The following FCRLB variants were observed in gnomAD, a reference collection of about 807,000 sequenced individuals.
The protein encoded by FCRLB is Fc receptor like B.
FCRLB carries 34 observed loss-of-function variants against 33.6 expected under a neutral mutation model. The observed-to-expected ratio is 1.01, with a 90% CI of 0.77 to 1.35. The LOEUF is 1.35. FCRLB is among the 40% of genes most tolerant of loss of function. FCRLB has a pLI of 0.00. For synonymous variants in FCRLB, 280 were observed against 255.9 expected (o/e 1.09, Z -0.90); for missense variants, 560 against 580.2 (o/e 0.97, Z 0.36).
chr1:161,722,534 C>A, intron 2 of FCRLB, 119 bp from the exon 3 acceptor site: 1 of 944,138 alleles, frequency 1.1e-6, no homozygotes, highest in Non-Finnish European at 1.7e-6. Flanking sequence ...CTGCTATCTT[C>A]AGGAACTAGG....
exon 8 of FCRLB, chr1:161,727,339 C>T: frequency 6.2e-7 from 1 of 1,613,798 alleles, no homozygotes; most frequent in Non-Finnish European, 8.5e-7. Flanking sequence ...CAGAAAGCCC[C>T]CGGTGTCCAG....
chr1:161,722,719 G>A lies in FCRLB; in HGVS notation c.31+16G>A. ...CTGCTCCTGGGTGAGTCCACAGTGAGGCAGCAGAAGAGCTTTGGGTGGTGG... is the reference window on the plus strand; with the variant it reads ...CTGCTCCTGGGTGAGTCCACAGTGAAGCAGCAGAAGAGCTTTGGGTGGTGG... On this transcript the variant is annotated intron_variant, in intron 3 of 7. Coordinates refer to ENST00000367948, the Ensembl canonical transcript of FCRLB. 2 of 1,613,862 alleles carry A rather than the reference G, an allele frequency of 1.2e-6. No homozygotes were observed. Among genetic ancestry groups the A allele is most frequent in the Non-Finnish European group, 1.7e-6 (2 of 1,179,828 alleles).
intron 4 of FCRLB, 52 bp downstream of exon 4, chr1:161,723,061 C>T (rs754620639): frequency 1.2e-6 from 2 of 1,605,482 alleles, no homozygotes; most frequent in South Asian, 2.2e-5. Flanking sequence ...CACTCCAACC[C>T]CCTAAGTGAC....
At chr1:161,727,162 C>G in intron 7 of FCRLB, 85 bp from the exon 8 acceptor site, 1 of 1,419,656 alleles carries the variant, frequency 7.0e-7, no homozygotes, top group Non-Finnish European at 9.3e-7. Flanking sequence ...TCCCCATCCC[C>G]GCCCACCGCC....
At chr1:161,727,784 C>G in exon 8 of FCRLB, 2 of 1,276,354 alleles carry the variant, frequency 1.6e-6, no homozygotes, top group Non-Finnish European at 2.1e-6. Context: ...TTTAAAGGAG[C>G]GCCCACGAAG....
rs866657996 is a variant in FCRLB at position 161,726,531 on chromosome 1, C to T, written c.575-172C>T. The T allele has an allele frequency of 1.1e-6, 1 of 946,774 alleles. No individual in the cohort carries two copies. 58.6% of individuals were successfully genotyped at this position (946,774 alleles called of 1,614,324 possible). On this transcript the variant is annotated intron_variant, in intron 6 of 7. Transcript: ENST00000367948. This position sits in a 1 kb window ranked among gnomAD's most constrained non-coding sequence, Gnocchi z 5.2. ...TTTCCCCGTCCCTCGTGGACTCGGTCCCCCTGCCCCACATTTCAGAAGGCT... is the reference window on the plus strand; with the variant it reads ...TTTCCCCGTCCCTCGTGGACTCGGTTCCCCTGCCCCACATTTCAGAAGGCT...
chr1:161,725,882 C>CT lies in FCRLB; in HGVS notation c.370dup (p.Cys124LeufsTer62). 3 of 1,614,186 alleles carry CT rather than the reference C, an allele frequency of 1.9e-6. No homozygotes were observed. The highest frequency in any genetic ancestry group is 2.5e-6 in the Non-Finnish European group (3 of 1,180,026). On this transcript the variant is annotated frameshift_variant, in exon 6 of 8. Transcript: ENST00000367948. LOFTEE classifies it high-confidence loss of function. ...TCGAGGGTGAGCCGCTAGTCCTGCG[C>CT]TGCCGCGGCTGGTACGACAAGGTGG...
At chr1:161,724,425 T>TAAAA (rs3039575) in intron 5 of FCRLB, among the ~76,000 whole-genome samples, 3 of 112,578 alleles carry the variant, frequency 2.7e-5, no homozygotes, top group Admixed American at 9.2e-5. Context: ...CACTCTCTAC[T>TAAAA]AAAAAAAAAA....
Position 161,726,953 on chromosome 1 carries a change from TGTCCGGAAAC to T in FCRLB, c.827_836del (p.Val276AlafsTer89). 1 of 1,547,484 alleles carries T rather than the reference TGTCCGGAAAC, an allele frequency of 6.5e-7. No homozygotes were observed. Among genetic ancestry groups the T allele is most frequent in the South Asian group, 1.2e-5 (1 of 82,434 alleles). ...GCGAGGCGGCTACCGCCACCCGCAG[TGTCCGGAAAC>T]GCAGTCCGTGGCTGCAGCTCCCGGG... On this transcript the variant is annotated frameshift_variant, in exon 7 of 8. Coordinates refer to ENST00000367948, the Ensembl canonical transcript of FCRLB. LOFTEE classifies it low-confidence loss of function (END_TRUNC). This position sits in a 1 kb window ranked among gnomAD's most constrained non-coding sequence, Gnocchi z 5.2.
intron 5 of FCRLB, 127 bp from the exon 6 acceptor site, chr1:161,725,694 G>T: frequency 8.9e-7 from 1 of 1,122,048 alleles, no homozygotes; most frequent in South Asian, 1.6e-5. Context: ...AGAAAAGAAA[G>T]CGGTGGGAGA....
At chr1:161,722,246 G>A (rs74125005) in intron 2 of FCRLB, among the ~76,000 whole-genome samples, 18,917 of 152,192 alleles carry the variant, frequency 0.12, 2,340 homozygotes, top group African/African-American at 0.31. Flanking sequence ...ACATGAGGCC[G>A]TGTCTTCCTC....
intron 5 of FCRLB, among the ~76,000 whole-genome samples, chr1:161,723,858 T>G (rs989410489): frequency 6.6e-6 from 1 of 152,172 alleles, no homozygotes; most frequent in Non-Finnish European, 1.5e-5. Context: ...AGGCACAGTG[T>G]GAACATTTCT....
At chr1:161,727,072 C>T in intron 7 of FCRLB, 79 bp downstream of exon 7, 3 of 1,369,764 alleles carry the variant, frequency 2.2e-6, no homozygotes, top group South Asian at 3.3e-5. Context: ...ACGAATCACC[C>T]CCGCCCCCTG....
At chr1:161,727,175 A>T in intron 7 of FCRLB, 72 bp from the exon 8 acceptor site, 1 of 1,419,926 alleles carries the variant, frequency 7.0e-7, no homozygotes, top group Non-Finnish European at 9.3e-7. Flanking sequence ...CCACCGCCCT[A>T]CGCCCCTCCC....
chr1:161,723,117 C>A (rs1683427596), intron 4 of FCRLB, 108 bp downstream of exon 4: 2 of 1,378,418 alleles, frequency 1.5e-6, no homozygotes, highest in East Asian at 2.3e-5. Context: ...GGGATAGTGT[C>A]TCTTCCCACT....
exon 8 of FCRLB, chr1:161,727,347 C>T: frequency 6.2e-7 from 1 of 1,613,814 alleles, no homozygotes; most frequent in Non-Finnish European, 8.5e-7. Context: ...CCCCGGTGTC[C>T]AGATCGGTCC....
chr1:161,723,510 C>T, exon 5 of FCRLB: 8 of 1,614,208 alleles, frequency 5.0e-6, no homozygotes, highest in Non-Finnish European at 6.8e-6. Flanking sequence ...TTTGGGCCAC[C>T]TACTTCTGCC....
In FCRLB at chr1:161,726,313, C is replaced by G; in HGVS notation, c.574+226C>G. On this transcript the variant is annotated intron_variant, in intron 6 of 7. Coordinates refer to ENST00000367948, the Ensembl canonical transcript of FCRLB. The surrounding 1 kb of genome is among the most constrained non-coding windows in gnomAD (Gnocchi z 5.2). Reference sequence around the variant, plus strand: ...CCGACGCACATCCTGGCTTCTCACTCTGGCTGGGGACTCCCACAGAGAGGG... The same window carrying G: ...CCGACGCACATCCTGGCTTCTCACTGTGGCTGGGGACTCCCACAGAGAGGG... 1.2e-6 allele frequency: 1 copy of G among 833,180 alleles called. No individual in the cohort carries two copies. The highest frequency in any genetic ancestry group is 1.4e-5 in the South Asian group (1 of 69,422). 51.6% of individuals were successfully genotyped at this position (833,180 alleles called of 1,614,324 possible).
Position 161,726,075 on chromosome 1 carries a change from G to GT in FCRLB, c.563dup (p.Thr189AspfsTer123). 6.2e-7 allele frequency: 1 copy of GT among 1,609,506 alleles called. No homozygotes were observed. The highest frequency in any genetic ancestry group is 1.3e-5 in the African/African-American group (1 of 75,000). ...GCCCATGTTCTCCGCTAAGGTGGCT[G>GT]TGACAGTGCAAGGTGGGAGAGACCA... On this transcript the variant is annotated frameshift_variant, in exon 6 of 8. Transcript: ENST00000367948. LOFTEE classifies it high-confidence loss of function. This position sits in a 1 kb window ranked among gnomAD's most constrained non-coding sequence, Gnocchi z 5.2.
Sources: gnomAD v4.1 joint callset for allele counts (sites outside exome capture counted in the v4.1 genomes callset) on GRCh38, gnomAD v4.1.1 for gene constraint, Gnocchi (gnomAD v3.1) non-coding constraint, MANE v1.5 for transcripts, NCBI Gene and HGNC (gene_info 2026-07-23, HGNC 2026-07-21) for gene names.